The following RASIP1 variants were observed in gnomAD, a reference collection of about 807,000 sequenced individuals.
The protein encoded by RASIP1 is ras-interacting protein 1.
Under a neutral mutation model 85.3 loss-of-function variants are expected in RASIP1, and 20 were observed. The observed-to-expected ratio is 0.23, with a 90% CI of 0.17 to 0.34. The LOEUF (loss-of-function observed/expected upper bound fraction) is 0.34. Among genes scored for constraint, RASIP1 ranks in the 10% least tolerant of loss-of-function variants. The pLI, the probability that RASIP1 is intolerant of heterozygous loss-of-function variation, is 1.00. For synonymous variants in RASIP1, 617 were observed against 647.1 expected (o/e 0.95, Z 0.71); for missense variants, 1,170 against 1,390.9 (o/e 0.84, Z 2.53).
At chr19:48,736,789 C>G (rs762170439) in intron 3 of RASIP1, among the ~76,000 whole-genome samples, 1 of 152,172 alleles carries the variant, frequency 6.6e-6, no homozygotes. Flanking sequence ...AATCCCAGTA[C>G]TTTGGGAGGC....
At chr19:48,730,862 C>A (rs1009361794) in intron 4 of RASIP1, among the ~76,000 whole-genome samples, 1 of 152,098 alleles carries the variant, frequency 6.6e-6, no homozygotes, top group Non-Finnish European at 1.5e-5. Flanking sequence ...ACTAAAAATA[C>A]AAAAATTAGC....
intron 4 of RASIP1, among the ~76,000 whole-genome samples, chr19:48,729,970 C>A (rs1169111459): frequency 6.6e-6 from 1 of 152,032 alleles, no homozygotes; most frequent in African/African-American, 2.4e-5. Flanking sequence ...CTACCTCGGC[C>A]TCCCGAAGTG....
Position 48,726,749 on chromosome 19 carries a change from G to T in RASIP1, c.2127+36C>A, listed in dbSNP as rs763461473. ...GATATTACGTGAAACAGGAAGTGAT[G>T]CTATGTCAAACAGGAAGTAAGAGGC... On this transcript the variant is annotated intron_variant, in intron 8 of 11. Coordinates refer to ENST00000222145, the MANE Select transcript of RASIP1 (RefSeq NM_017805.3). 11 of 1,469,784 alleles carry T rather than the reference G, an allele frequency of 7.5e-6. No homozygotes were observed. The East Asian group carries it at 2.5e-4, about 33-fold the overall frequency. 91.0% of individuals were successfully genotyped at this position (1,469,784 alleles called of 1,614,324 possible). A position where few individuals can be genotyped will look rare whatever the true frequency, so the allele number is the denominator to read the frequency against.
intron 4 of RASIP1, among the ~76,000 whole-genome samples, chr19:48,732,259 CT>C (rs869199913): frequency 2.5e-3 from 347 of 136,574 alleles, no homozygotes; most frequent in Middle Eastern, 7.6e-3. Context: ...TTCTGTTTTT[CT>C]TTTTTTTTTT....
In RASIP1 at chr19:48,724,992, T is replaced by G. The variant is rs540884748; in HGVS notation, c.2128-32A>C. The G allele has an allele frequency of 2.5e-6, 4 of 1,602,776 alleles. No homozygotes were observed. The African/African-American group carries it at 5.3e-5, about 21-fold the overall frequency. On this transcript the variant is annotated intron_variant, in intron 8 of 11. Transcript: ENST00000222145. This position sits in a 1 kb window ranked among gnomAD's most constrained non-coding sequence, Gnocchi z 4.6. ...AAATAGAGAAGTGGAAACAAGTGAT[T>G]GGACTACAACTCCCAGGAAGCTTCA...
At chr19:48,729,681 C>G in intron 4 of RASIP1, 91 bp from the exon 5 acceptor site, 1 of 1,293,288 alleles carries the variant, frequency 7.7e-7, no homozygotes, top group South Asian at 1.4e-5. Flanking sequence ...CTTTTCTATT[C>G]CCACCAACTT....
intron 11 of RASIP1, among the ~76,000 whole-genome samples, chr19:48,721,584 C>G (rs1444943826): frequency 6.6e-6 from 1 of 152,072 alleles, no homozygotes; most frequent in South Asian, 2.1e-4. Flanking sequence ...GGGCGGATCA[C>G]GAGGTCAGGA....
In RASIP1 at chr19:48,727,115, C is replaced by G; in HGVS notation, c.1915G>C (p.Val639Leu). Residue 639 changes from valine (V) to leucine (L), a missense_variant, in exon 7 of 12, where the codon GTG becomes CTG. This residue lies in a region of RASIP1 where 426 missense variants were observed against 576.2 expected (regional missense o/e 0.74). Transcript: ENST00000222145. The part of the protein sequence containing the change: ...VPEVPLTPEA[V>L]SVELRPLMLW... ...ATGAGTGGCCGCAGCTCCACAGACA[C>G]AGCTTCAGGAGTCAGGGGCACCTCG... The G allele has an allele frequency of 1.9e-6, 3 of 1,614,218 alleles. No homozygotes were observed. Among genetic ancestry groups the G allele is most frequent in the Non-Finnish European group, 2.5e-6 (3 of 1,180,040 alleles).
intron 3 of RASIP1, chr19:48,737,525 A>C: frequency 1.0e-6 from 1 of 984,882 alleles, no homozygotes; most frequent in Non-Finnish European, 1.2e-6. Flanking sequence ...ATGTGATCCC[A>C]CTTGGCAGCC....
At chr19:48,736,360 G>C (rs997629963) in intron 3 of RASIP1, among the ~76,000 whole-genome samples, 3 of 151,890 alleles carry the variant, frequency 2.0e-5, no homozygotes, top group Admixed American at 2.0e-4. Context: ...CCGAGATCGT[G>C]CCACTGCACT....
At position 48,739,447 on chromosome 19, in the gene RASIP1, CG is replaced by C; in HGVS notation, c.335del (p.Pro112ArgfsTer69). 1.4e-6 allele frequency: 2 copies of C among 1,455,754 alleles called. No individual in the cohort carries two copies. Among genetic ancestry groups the C allele is most frequent in the Non-Finnish European group, 1.8e-6 (2 of 1,109,428 alleles). The allele number at this position is 1,455,754 out of a possible 1,614,324, so 90.2% of individuals were successfully genotyped here. A position where few individuals can be genotyped will look rare whatever the true frequency, so the allele number is the denominator to read the frequency against. On this transcript the variant is annotated frameshift_variant, in exon 3 of 12. Transcript: ENST00000222145. LOFTEE classifies it high-confidence loss of function. The surrounding 1 kb of genome is among the most constrained non-coding windows in gnomAD (Gnocchi z 9.2). ...CGCTGGCCCAGCGCTGCGCGCCCCCCGGGGTCCCAGGGCCTCCTGCGCCGCT... is the reference window on the plus strand; with the variant it reads ...CGCTGGCCCAGCGCTGCGCGCCCCCCGGGTCCCAGGGCCTCCTGCGCCGCT... The part of the protein sequence containing the change: ...GSSGAGGPGT[P>X]GGAQRWASEK...
In RASIP1 at chr19:48,727,175, G is replaced by A. The variant is rs549661818; in HGVS notation, c.1872-17C>T. The A allele has an allele frequency of 1.2e-5, 20 of 1,612,910 alleles. No individual in the cohort carries two copies. Among genetic ancestry groups the A allele is most frequent in the Non-Finnish European group, 1.7e-5 (20 of 1,179,972 alleles). On this transcript the variant is annotated splice_polypyrimidine_tract_variant and intron_variant, in intron 6 of 11. Transcript: ENST00000222145. The stretch of plus-strand genomic sequence containing the variant: ...TCAGGGTGGCTTGAAAAAGAGGAAG[G>A]AATTTGTGATCCCTGCCCAACCCTC...
Position 48,728,992 on chromosome 19 carries a change from C to T in RASIP1, c.1778G>A (p.Gly593Asp), listed in dbSNP as rs762726040. ...VQHSARELELGHLPRLLGRLA... is the reference protein window; with the variant it reads ...VQHSARELELDHLPRLLGRLA... Reference sequence around the variant, plus strand: ...GCGGCCCAGCAGTCGTGGCAGGTGGCCCAGCTCCAGCTCACGGGCGGAATG... The same window carrying T: ...GCGGCCCAGCAGTCGTGGCAGGTGGTCCAGCTCCAGCTCACGGGCGGAATG... The change falls in exon 5 of 12, where the codon GGC (glycine) becomes GAC (aspartate). Residue 593 changes from glycine to aspartate, a missense_variant. Physicochemically the swap from Gly to Asp is moderately conservative, Grantham distance 94 (BLOSUM62 -1). Around this residue, in one of 4 missense-constraint regions of RASIP1, gnomAD observed 426 missense variants for 576.2 expected, o/e 0.74. Transcript: ENST00000222145. 385 of 1,454,062 alleles carry T rather than the reference C, an allele frequency of 2.6e-4. No homozygotes were observed. The highest frequency in any genetic ancestry group is 3.4e-4 in the Non-Finnish European group (376 of 1,111,970). The allele number at this position is 1,454,062 out of a possible 1,614,324, so 90.1% of individuals were successfully genotyped here.
Position 48,740,441 on chromosome 19 carries a change from C to T in RASIP1, c.-5+80G>A, listed in dbSNP as rs1002603134. 2 of 1,396,850 alleles carry T rather than the reference C, an allele frequency of 1.4e-6. No homozygotes were observed. The highest frequency in any genetic ancestry group is 3.0e-5 in the African/African-American group (2 of 67,678). The allele number at this position is 1,396,850 out of a possible 1,614,324, so 86.5% of individuals were successfully genotyped here. ...GGATGGTACCCTGGATTCCTGGGTCCTGGGATGGAAGATGGCTGGGGGACT... is the reference window on the plus strand; with the variant it reads ...GGATGGTACCCTGGATTCCTGGGTCTTGGGATGGAAGATGGCTGGGGGACT... On this transcript the variant is annotated intron_variant, in intron 1 of 11. Coordinates refer to ENST00000222145, the MANE Select transcript of RASIP1 (RefSeq NM_017805.3). This position sits in a 1 kb window ranked among gnomAD's most constrained non-coding sequence, Gnocchi z 5.5.
intron 4 of RASIP1, 116 bp from the exon 5 acceptor site, chr19:48,729,706 C>CTTA: frequency 1.7e-6 from 1 of 594,094 alleles, no homozygotes; most frequent in Non-Finnish European, 2.7e-6. Flanking sequence ...TTTCCTTCTT[C>CTTA]TTCTTTTTTT....
chr19:48,728,811 T>G, intron 5 of RASIP1, 126 bp downstream of exon 5: 1 of 1,078,592 alleles, frequency 9.3e-7, no homozygotes, highest in Non-Finnish European at 1.2e-6. Flanking sequence ...CCCCAAATCC[T>G]TCCCGAGGCG....
In RASIP1 at chr19:48,730,394, C is replaced by T. The variant is rs147538885; in HGVS notation, c.1180-804G>A. Among the ~76,000 whole-genome samples the T allele has an allele frequency of 3.1e-3, 475 of 151,960 alleles. 4 individuals carry two copies. Among genetic ancestry groups the T allele is most frequent in the African/African-American group, 0.011 (450 of 41,458 alleles). ...GGCCAGGATGGTCTCGATCTCTTGA[C>T]CTTGTGATCCGCCTGCCTTGGCCTC... On this transcript the variant is annotated intron_variant, in intron 4 of 11. Transcript: ENST00000222145.
chr19:48,739,607 G>T lies in RASIP1; in HGVS notation c.176C>A (p.Pro59Gln). The T allele has an allele frequency of 7.5e-6, 11 of 1,466,598 alleles. No homozygotes were observed. The highest frequency in any genetic ancestry group is 1.3e-5 in the South Asian group (1 of 77,192). The allele number at this position is 1,466,598 out of a possible 1,614,324, so 90.8% of individuals were successfully genotyped here. ...CACGTGCGGCGGGGGCGGAGGTAGC[G>T]GCTCGCTGCTGCGGCTCCCCGTGTC... ...SSDTGSRSSE[P>Q]LPPPPPHVEL... Residue 59 changes from proline (P) to glutamine (Q), a missense_variant, in exon 3 of 12, where the codon CCG becomes CAG. By Grantham distance (76) the Pro-to-Gln change is moderately conservative (BLOSUM62 -1). Around this residue, in one of 4 missense-constraint regions of RASIP1, gnomAD observed 299 missense variants for 394.4 expected, o/e 0.76. Coordinates refer to ENST00000222145, the MANE Select transcript of RASIP1 (RefSeq NM_017805.3). The surrounding 1 kb of genome is among the most constrained non-coding windows in gnomAD (Gnocchi z 9.2).
In RASIP1 at chr19:48,726,849, G is replaced by A. The variant is rs777649754; in HGVS notation, c.2063C>T (p.Ala688Val). 4.3e-6 allele frequency: 7 copies of A among 1,613,990 alleles called. No homozygotes were observed. Among genetic ancestry groups the A allele is most frequent in the Non-Finnish European group, 5.1e-6 (6 of 1,179,968 alleles). ...LCNDLELCDE[A>V]MALLDEVIMC... ...GATGACCTCATCCAGGAGGGCCATG[G>A]CCTCATCACATAATTCCAAGTCATT... Residue 688 changes from alanine (A) to valine (V), a missense_variant, in exon 8 of 12, where the codon GCC (alanine) becomes GTC (valine). Physicochemically the swap from Ala to Val is moderately conservative, Grantham distance 64. Around this residue, in one of 4 missense-constraint regions of RASIP1, gnomAD observed 426 missense variants for 576.2 expected, o/e 0.74. Coordinates refer to ENST00000222145, the MANE Select transcript of RASIP1 (RefSeq NM_017805.3).
Sources: allele counts gnomAD v4.1 joint callset (sites outside exome capture counted in the v4.1 genomes callset), GRCh38; gene constraint gnomAD v4.1.1; regional missense constraint gnomAD v4.1.1; non-coding constraint Gnocchi (gnomAD v3.1); transcripts MANE v1.5; gene names NCBI Gene and HGNC (gene_info 2026-07-23, HGNC 2026-07-21).